GPD1L: variants seen among roughly 807,000 people sequenced by gnomAD.
The protein encoded by GPD1L is glycerol-3-phosphate dehydrogenase 1-like protein.
A neutral mutation model predicts 32.9 loss-of-function variants in GPD1L; 17 were observed. That is an observed-to-expected ratio of 0.52 (90% confidence interval 0.35 to 0.78). The LOEUF is 0.78. GPD1L is among the 30% of genes least tolerant of loss of function. The pLI is 0.01. For synonymous variants in GPD1L, 187 were observed against 165.9 expected, an observed-to-expected ratio of 1.13 and a Z score of -0.98; for missense variants, 361 against 447.8, an observed-to-expected ratio of 0.81 and a Z score of 1.75.
Position 32,106,814 on chromosome 3 carries a change from G to C in GPD1L, c.47+56G>C. ...CCGCTTCCAGGAAGCGCCTCTCCCGGGCGGTGAGGGCTGCGCGCCCCATGC... is the reference window on the plus strand; with the variant it reads ...CCGCTTCCAGGAAGCGCCTCTCCCGCGCGGTGAGGGCTGCGCGCCCCATGC... On this transcript the variant is annotated intron_variant, in intron 1 of 7. Transcript: ENST00000282541. The surrounding 1 kb of genome is among the most constrained non-coding windows in gnomAD (Gnocchi z 4.0). 1 of 1,499,248 alleles carries C rather than the reference G, an allele frequency of 6.7e-7. No homozygotes were observed. The highest frequency in any genetic ancestry group is 2.1e-5 in the Admixed American group (1 of 48,564). 92.9% of individuals were successfully genotyped at this position (1,499,248 alleles called of 1,614,324 possible).
rs1262487620 is a variant in GPD1L at position 32,168,685 on chromosome 3, T to C, written c.*2775T>C. On this transcript the variant is annotated 3_prime_UTR_variant, in exon 8 of 8. Transcript: ENST00000282541. ...GTGGATATATAATTTAAAAGCTTGA[T>C]TTAATAAACATTTAACCCCCTAAAC... is the stretch of plus-strand genomic sequence containing the variant. The C allele has an allele frequency of 6.5e-6, 1 of 152,692 alleles. No homozygotes were observed. The highest frequency in any genetic ancestry group is 2.4e-5 in the African/African-American group (1 of 41,470). 9.5% of individuals were successfully genotyped at this position (152,692 alleles called of 1,614,324 possible).
chr3:32,128,305 G>T, intron 2 of GPD1L, 52 bp downstream of exon 2: 1 of 1,463,282 alleles, frequency 6.8e-7, no homozygotes, highest in Non-Finnish European at 9.6e-7. Flanking sequence ...GTTGTGCTTG[G>T]CTGAGCAGCA....
chr3:32,145,839 T>C (rs1700812326), intron 4 of GPD1L, among the ~76,000 whole-genome samples: 1 of 152,216 alleles, frequency 6.6e-6, no homozygotes, highest in South Asian at 2.1e-4. Context: ...ACAGTAATGC[T>C]ACAGAGTAGA....
intron 1 of GPD1L, among the ~76,000 whole-genome samples, chr3:32,121,083 G>A (rs1331549521): frequency 3.9e-5 from 6 of 152,032 alleles, no homozygotes; most frequent in African/African-American, 9.7e-5. Flanking sequence ...CACCTGGTAC[G>A]CACCAAATTA....
chr3:32,153,880 G>A (rs1700953613), intron 5 of GPD1L, among the ~76,000 whole-genome samples: 1 of 152,196 alleles, frequency 6.6e-6, no homozygotes, highest in Non-Finnish European at 1.5e-5. Context: ...GTACACTCAA[G>A]AGTGGATGAT....
In GPD1L at chr3:32,165,997, T is replaced by C. The variant is rs955227020; in HGVS notation, c.*87T>C. 7.7e-6 allele frequency: 6 copies of C among 783,548 alleles called. No individual in the cohort carries two copies. Among genetic ancestry groups the C allele is most frequent in the Admixed American group, 1.8e-5 (1 of 55,210 alleles). The allele number at this position is 783,548 out of a possible 1,614,324, so 48.5% of individuals were successfully genotyped here. On this transcript the variant is annotated 3_prime_UTR_variant, in exon 8 of 8. Transcript: ENST00000282541. ...TGGAAACCAGGACTTGGCAACATGA[T>C]GTTTGACTGTAATCTCATCACGGAT...
intron 2 of GPD1L, among the ~76,000 whole-genome samples, chr3:32,129,925 T>G (rs1204639743): frequency 2.0e-5 from 3 of 152,110 alleles, no homozygotes; most frequent in Non-Finnish European, 2.9e-5. Flanking sequence ...ACTACATGCT[T>G]CATTGTTACA....
Position 32,140,232 on chromosome 3 carries a change from T to C in GPD1L, c.371T>C (p.Ile124Thr), listed in dbSNP as rs753003156. 4 of 1,614,104 alleles carry C rather than the reference T, an allele frequency of 2.5e-6. No homozygotes were observed. The highest frequency in any genetic ancestry group is 2.2e-5 in the East Asian group (1 of 44,876). Residue 124 changes from isoleucine to threonine, a missense_variant, in exon 4 of 8, where the codon ATA becomes ACA. By Grantham distance (89) the Ile-to-Thr change is moderately conservative (BLOSUM62 -1). Coordinates refer to ENST00000282541, the MANE Select transcript of GPD1L (RefSeq NM_015141.4). The part of the protein sequence containing the change: ...KALGITLIKG[I>T]DEGPEGLKLI... Reference sequence around the variant, plus strand: ...AACTTCTTGGCATCCTTGTAGGGCATAGACGAGGGCCCCGAGGGGCTGAAG... The same window carrying C: ...AACTTCTTGGCATCCTTGTAGGGCACAGACGAGGGCCCCGAGGGGCTGAAG...
chr3:32,141,727 T>C (rs1438258558), intron 4 of GPD1L, among the ~76,000 whole-genome samples: 1 of 152,186 alleles, frequency 6.6e-6, no homozygotes, highest in Non-Finnish European at 1.5e-5. Context: ...AGAACTAAGA[T>C]TGTAATTTCC....
chr3:32,115,309 C>T (rs1029861276), intron 1 of GPD1L, among the ~76,000 whole-genome samples: 3 of 152,136 alleles, frequency 2.0e-5, no homozygotes, highest in African/African-American at 7.2e-5. Context: ...CTGATTGGTG[C>T]ATTTATAATC....
intron 5 of GPD1L, among the ~76,000 whole-genome samples, chr3:32,150,688 T>TATTTA (rs1700907078): frequency 6.6e-6 from 1 of 152,216 alleles, no homozygotes; most frequent in African/African-American, 2.4e-5. Context: ...GGTTTTGCCA[T>TATTTA]GTTGGCCAGG....
intron 4 of GPD1L, among the ~76,000 whole-genome samples, chr3:32,144,353 G>A (rs994716409): frequency 2.0e-5 from 3 of 152,116 alleles, no homozygotes; most frequent in Non-Finnish European, 4.4e-5. Context: ...AGACTCTGAG[G>A]CTTTTAATCC....
chr3:32,130,739 G>A (rs1057348317), intron 2 of GPD1L, among the ~76,000 whole-genome samples: 10 of 145,272 alleles, frequency 6.9e-5, no homozygotes, highest in Admixed American at 8.1e-5. Context: ...GGGACCGAGC[G>A]CAGTGGCTCA....
At chr3:32,127,414 G>C (rs562839300) in intron 1 of GPD1L, among the ~76,000 whole-genome samples, 3 of 152,158 alleles carry the variant, frequency 2.0e-5, no homozygotes, top group Non-Finnish European at 4.4e-5. Flanking sequence ...CGGCAACCAC[G>C]TGCAGACCTG....
At chr3:32,114,202 G>T (rs963935462) in intron 1 of GPD1L, among the ~76,000 whole-genome samples, 1 of 152,184 alleles carries the variant, frequency 6.6e-6, no homozygotes, top group Non-Finnish European at 1.5e-5. Context: ...TCTGGCAGTG[G>T]GCAGGCTTCA....
chr3:32,141,185 C>T (rs1057413290), intron 4 of GPD1L, among the ~76,000 whole-genome samples: 8 of 152,290 alleles, frequency 5.3e-5, no homozygotes, highest in Non-Finnish European at 8.8e-5. Context: ...GTCAGGCTCT[C>T]TTGCATGAGA....
chr3:32,149,344 A>T (rs7623781), intron 5 of GPD1L, among the ~76,000 whole-genome samples: 51,652 of 152,104 alleles, frequency 0.34, 9,758 homozygotes, highest in East Asian at 0.63. Context: ...TACAGGCATG[A>T]CCCACCACAT....
intron 7 of GPD1L, among the ~76,000 whole-genome samples, chr3:32,160,115 G>T (rs1701055435): frequency 6.6e-6 from 1 of 151,416 alleles, no homozygotes; most frequent in Admixed American, 6.6e-5. Context: ...GCTCTGTTAA[G>T]TTTGGTGCAC....
intron 5 of GPD1L, among the ~76,000 whole-genome samples, chr3:32,156,106 C>T (rs781098298): frequency 5.9e-5 from 9 of 151,914 alleles, no homozygotes; most frequent in African/African-American, 9.7e-5. Flanking sequence ...AGAACTAGAT[C>T]GCACCCGACC....
Sources: allele counts gnomAD v4.1 joint callset (sites outside exome capture counted in the v4.1 genomes callset), GRCh38; gene constraint gnomAD v4.1.1; non-coding constraint Gnocchi (gnomAD v3.1); transcripts MANE v1.5; gene names NCBI Gene and HGNC (gene_info 2026-07-23, HGNC 2026-07-21).